The following PON1 variants were observed in gnomAD, a reference collection of about 807,000 sequenced individuals.
PON1 encodes the protein paraoxonase 1.
PON1 carries 37 observed loss-of-function variants against 39.2 expected under a neutral mutation model. The ratio of observed to expected loss-of-function variants is 0.94; its 90% CI spans 0.73 to 1.24. The LOEUF is 1.24. PON1 is among the 50% of genes most tolerant of loss of function. The pLI, the probability that PON1 is intolerant of heterozygous loss-of-function variation, is 0.00. For synonymous variants in PON1, 148 were observed against 152.2 expected, an observed-to-expected ratio of 0.97 and a Z score of 0.21; for missense variants, 397 against 413.5, an observed-to-expected ratio of 0.96 and a Z score of 0.35.
At chr7:95,303,237 T>C (rs942958572) in intron 7 of PON1, among the ~76,000 whole-genome samples, 1 of 152,110 alleles carries the variant, frequency 6.6e-6, no homozygotes, top group Non-Finnish European at 1.5e-5. Flanking sequence ...GAGCTGTTCC[T>C]CACATGCCCA....
At chr7:95,311,299 G>T (rs1807647237) in intron 5 of PON1, 152 bp downstream of exon 5, 3 of 932,290 alleles carry the variant, frequency 3.2e-6, no homozygotes, top group Non-Finnish European at 4.9e-6. Flanking sequence ...TGAGTCCTCA[G>T]AAGGTTCTTC....
Position 95,298,288 on chromosome 7 carries a change from C to G in PON1, c.*656G>C, listed in dbSNP as rs1335502445. 1 of 154,000 alleles carries G rather than the reference C, an allele frequency of 6.5e-6. No individual in the cohort carries two copies. Among genetic ancestry groups the G allele is most frequent in the African/African-American group, 2.4e-5 (1 of 41,488 alleles). The allele number at this position is 154,000 out of a possible 1,614,324, so 9.5% of individuals were successfully genotyped here. On this transcript the variant is annotated 3_prime_UTR_variant, in exon 9 of 9. Coordinates refer to ENST00000222381, the MANE Select transcript of PON1 (RefSeq NM_000446.7). Reference sequence around the variant, plus strand: ...TAATTTTCAGGTGTGACAACACTCCCAAGAATTTTAAGATTTTCCTATGTG... The same window carrying G: ...TAATTTTCAGGTGTGACAACACTCCGAAGAATTTTAAGATTTTCCTATGTG...
At chr7:95,319,380 G>GA (rs1585701212) in intron 1 of PON1, among the ~76,000 whole-genome samples, 1 of 151,962 alleles carries the variant, frequency 6.6e-6, no homozygotes, top group Admixed American at 6.6e-5. Context: ...TATTCATTCA[G>GA]AAAAAAATGA....
intron 1 of PON1, among the ~76,000 whole-genome samples, chr7:95,322,806 A>G (rs1360901637): frequency 1.3e-5 from 2 of 150,840 alleles, no homozygotes; most frequent in African/African-American, 4.9e-5. Context: ...GTCTAGGGGA[A>G]CTCTCTCAGT....
intron 7 of PON1, among the ~76,000 whole-genome samples, chr7:95,304,104 T>C (rs1238998314): frequency 6.6e-6 from 1 of 152,160 alleles, no homozygotes; most frequent in Non-Finnish European, 1.5e-5. Context: ...CAGCCCCAAA[T>C]AGAAATCCTG....
chr7:95,311,319 T>G, intron 5 of PON1, 132 bp downstream of exon 5: 2 of 1,084,854 alleles, frequency 1.8e-6, no homozygotes, highest in Non-Finnish European at 2.8e-6. Context: ...CAGAAGAGCA[T>G]GTGGAGGAGT....
chr7:95,307,472 A>G (rs1228735136), intron 6 of PON1, among the ~76,000 whole-genome samples: 1 of 152,222 alleles, frequency 6.6e-6, no homozygotes. Flanking sequence ...ATGCTACCCA[A>G]AATGCAGTCT....
intron 5 of PON1, 41 bp downstream of exon 5, chr7:95,311,410 C>CTTT (rs1390560247): frequency 6.2e-7 from 1 of 1,611,598 alleles, no homozygotes; most frequent in Non-Finnish European, 8.5e-7. Context: ...TAACTATCCG[C>CTTT]TACAGCTAAA....
Position 95,308,093 on chromosome 7 carries a change from C to A in PON1, c.616G>T (p.Val206Phe). 1.2e-6 allele frequency: 2 copies of A among 1,614,092 alleles called. No individual in the cohort carries two copies. Among genetic ancestry groups the A allele is most frequent in the Non-Finnish European group, 8.5e-7 (1 of 1,180,018 alleles). ...MYLGLAWSYV[V>F]YYSPSEVRVV... The stretch of plus-strand genomic sequence containing the variant: ...CGAACTTCACTTGGACTATAGTAGA[C>A]AACATACGACCACGCTAAACCCAAA... Residue 206 changes from valine (V) to phenylalanine (F), a missense_variant, in exon 6 of 9, where the codon GTC becomes TTC. Physicochemically the swap from Val to Phe is conservative, Grantham distance 50. Transcript: ENST00000222381.
intron 4 of PON1, among the ~76,000 whole-genome samples, chr7:95,315,070 G>A (rs546959821): frequency 1.1e-4 from 17 of 152,078 alleles, no homozygotes; most frequent in Non-Finnish European, 2.4e-4. Context: ...GTAATTATAG[G>A]GATAATGTGA....
intron 1 of PON1, among the ~76,000 whole-genome samples, chr7:95,320,501 G>A (rs550915710): frequency 1.7e-4 from 26 of 152,192 alleles, no homozygotes; most frequent in Non-Finnish European, 3.5e-4. Context: ...ATATGCCCGC[G>A]TTTAATCCTC....
intron 8 of PON1, among the ~76,000 whole-genome samples, 190 bp from the exon 9 acceptor site, chr7:95,299,292 T>C (rs956678047): frequency 6.6e-6 from 1 of 152,196 alleles, no homozygotes; most frequent in African/African-American, 2.4e-5. Context: ...TCTCAAGTGA[T>C]CTTTAGCAGA....
intron 8 of PON1, among the ~76,000 whole-genome samples, chr7:95,300,342 A>G (rs1293974167): frequency 2.0e-5 from 3 of 152,208 alleles, no homozygotes; most frequent in Non-Finnish European, 1.5e-5. Context: ...ATTCCCCTTC[A>G]GCTCTAGCTT....
At chr7:95,310,923 A>G (rs3917529) in intron 5 of PON1, among the ~76,000 whole-genome samples, 63,899 of 151,826 alleles carry the variant, frequency 0.42, 15,724 homozygotes, top group African/African-American at 0.67. Context: ...CATATGTTAC[A>G]TGAACAAGGT....
intron 5 of PON1, 126 bp from the exon 6 acceptor site, chr7:95,308,337 A>G: frequency 1.2e-6 from 1 of 825,636 alleles, no homozygotes; most frequent in Non-Finnish European, 2.0e-6. Context: ...CGTGCTAGCT[A>G]TAATGGAACA....
chr7:95,299,170 G>A (rs1807361598), intron 8 of PON1, 68 bp from the exon 9 acceptor site: 1 of 1,438,858 alleles, frequency 6.9e-7, no homozygotes, highest in African/African-American at 1.4e-5. Context: ...TGCATAATAG[G>A]GTCATCCTCC....
At chr7:95,301,952 C>T (rs1807433415) in intron 8 of PON1, among the ~76,000 whole-genome samples, 2 of 150,410 alleles carry the variant, frequency 1.3e-5, no homozygotes, top group Non-Finnish European at 3.0e-5. Flanking sequence ...AAAAAATTAG[C>T]CAGGCATGGT....
intron 1 of PON1, among the ~76,000 whole-genome samples, chr7:95,321,994 C>T (rs889906867): frequency 2.6e-5 from 4 of 152,084 alleles, no homozygotes; most frequent in African/African-American, 7.2e-5. Flanking sequence ...ATTCCTATAA[C>T]CTCCAGCAGA....
Position 95,318,381 on chromosome 7 carries a change from A to G in PON1, c.87T>C (p.Asn29=). 1.2e-6 allele frequency: 2 copies of G among 1,608,406 alleles called. No individual in the cohort carries two copies. The highest frequency in any genetic ancestry group is 8.5e-7 in the Non-Finnish European group (1 of 1,174,808). ...CTACGGGTTGTACCTCTCGGAGAGC[A>G]TTAAGTCGTGTTCTGTGGGGGAGAA... is the stretch of plus-strand genomic sequence containing the variant. ...NHQSSYQTRL[N]ALREVQPVEL... The change falls in exon 2 of 9, where the codon AAT becomes AAC. Residue 29 remains asparagine, a synonymous_variant. Transcript: ENST00000222381.
Sources: gnomAD v4.1 joint callset for allele counts (sites outside exome capture counted in the v4.1 genomes callset) on GRCh38, gnomAD v4.1.1 for gene constraint, MANE v1.5 for transcripts, NCBI Gene and HGNC (gene_info 2026-07-23, HGNC 2026-07-21) for gene names.